Variants in DSE observed in about 807,000 individuals in gnomAD.
The protein encoded by DSE is dermatan sulfate epimerase.
Under a neutral mutation model 84.4 loss-of-function variants are expected in DSE, and 36 were observed. The observed-to-expected ratio is 0.43, with a 90% CI of 0.33 to 0.56. The LOEUF is 0.56. Among genes scored for constraint, DSE ranks in the 20% least tolerant of loss-of-function variants. The pLI is 0.06. For synonymous variants in DSE, 410 were observed against 430.1 expected (o/e 0.95, Z 0.58); for missense variants, 862 against 1,169.6 (o/e 0.74, Z 3.84).
intron 2 of DSE, among the ~76,000 whole-genome samples, chr6:116,417,115 T>G (rs1782764747): frequency 1.3e-5 from 2 of 152,226 alleles, no homozygotes; most frequent in Non-Finnish European, 2.9e-5. Context: ...TCTACCAAAA[T>G]AGAGGTCTTG....
intron 4 of DSE, among the ~76,000 whole-genome samples, chr6:116,431,737 A>G (rs1301186964): frequency 2.0e-5 from 3 of 152,156 alleles, no homozygotes; most frequent in East Asian, 1.9e-4. Flanking sequence ...TAAAACTTGT[A>G]ATTTCTTTAT....
intron 1 of DSE, among the ~76,000 whole-genome samples, chr6:116,256,942 C>T (rs749126514): frequency 6.6e-5 from 10 of 151,880 alleles, no homozygotes; most frequent in Non-Finnish European, 1.0e-4. Flanking sequence ...GGGAAAATAT[C>T]GATAGAAAAT....
intron 2 of DSE, among the ~76,000 whole-genome samples, chr6:116,261,776 A>G (rs972434405): frequency 1.3e-5 from 2 of 152,122 alleles, no homozygotes; most frequent in Non-Finnish European, 2.9e-5. Flanking sequence ...ATGTTCTTTC[A>G]ATACCTACTT....
At chr6:116,422,581 G>A (rs1183680347) in intron 2 of DSE, among the ~76,000 whole-genome samples, 2 of 152,194 alleles carry the variant, frequency 1.3e-5, no homozygotes, top group African/African-American at 4.8e-5. Flanking sequence ...TAGGATATTA[G>A]AAAGATGTAT....
In DSE at chr6:116,278,880, G is replaced by T. The variant is rs751218403; in HGVS notation, c.-54+19913G>T. The T allele has an allele frequency of 3.7e-6, 6 of 1,614,020 alleles. No homozygotes were observed. In the South Asian group the frequency reaches 4.4e-5, roughly 12 times the overall value. Reference sequence around the variant, plus strand: ...TAAAGAAGAACTTGAACTTGCAACCGGTTCTAGGGTGTCTGAGTTCCTTCA... The same window carrying T: ...TAAAGAAGAACTTGAACTTGCAACCTGTTCTAGGGTGTCTGAGTTCCTTCA... On this transcript the variant is annotated intron_variant, in intron 2 of 3. Coordinates refer to the DSE transcript ENST00000430252.
At chr6:116,268,691 A>C (rs921979644) in intron 2 of DSE, among the ~76,000 whole-genome samples, 1 of 152,184 alleles carries the variant, frequency 6.6e-6, no homozygotes, top group Admixed American at 6.5e-5. Context: ...GGAGGTATGC[A>C]TATACATTGA....
At chr6:116,422,054 A>G (rs1783127882) in intron 2 of DSE, among the ~76,000 whole-genome samples, 3 of 152,082 alleles carry the variant, frequency 2.0e-5, no homozygotes, top group South Asian at 4.1e-4. Context: ...AACTCTTCAT[A>G]CTCTTTTACA....
chr6:116,363,365 C>T (rs1016917850), intron 2 of DSE, among the ~76,000 whole-genome samples: 1 of 150,012 alleles, frequency 6.7e-6, no homozygotes, highest in African/African-American at 2.5e-5. Flanking sequence ...TATATATACA[C>T]ATGTGTGTGC....
chr6:116,378,622 T>G lies in DSE; in HGVS notation c.-54+7501T>G, dbSNP rs191574905. The stretch of plus-strand genomic sequence containing the variant: ...ATTTCTCTTTTTTATTTTTAAAAAT[T>G]TTGAAGAAACATTTAATTAATAAAT... On this transcript the variant is annotated intron_variant, in intron 1 of 5. Transcript: ENST00000644252. 5.1e-3 allele frequency among the ~76,000 whole-genome samples: 773 copies of G among 152,236 alleles called. 6 individuals carry two copies. The highest frequency in any genetic ancestry group is 0.027 in the Middle Eastern group (8 of 294).
chr6:116,371,409 C>T lies in DSE; in HGVS notation c.-54+288C>T, dbSNP rs77613443. Among the ~76,000 whole-genome samples, 352 of 152,330 alleles carry T rather than the reference C, an allele frequency of 2.3e-3. 1 individual carries two copies. The highest frequency in any genetic ancestry group is 4.1e-3 in the Non-Finnish European group (282 of 68,020). The stretch of plus-strand genomic sequence containing the variant: ...CCCCCTTGAACGCCGAGCACCGAGC[C>T]GGGAACACGATGAGAACCTGGAGAT... On this transcript the variant is annotated intron_variant, in intron 1 of 5. Coordinates refer to ENST00000644252, the MANE Select transcript of DSE (RefSeq NM_013352.4).
intron 2 of DSE, among the ~76,000 whole-genome samples, chr6:116,415,943 G>C (rs1583202432): frequency 6.6e-6 from 1 of 152,186 alleles, no homozygotes; most frequent in Admixed American, 6.5e-5. Flanking sequence ...TTACAGTTTT[G>C]TAGAAGTGTA....
rs1220025541 is a variant in DSE at position 116,441,149 on chromosome 6, T to C, written c.*3804T>C. On this transcript the variant is annotated 3_prime_UTR_variant, in exon 6 of 6. Transcript: ENST00000644252. Reference sequence around the variant, plus strand: ...CAAGAAATGACTGATATAAATCATGTGTTCCACTACATAGTCTAAATATTT... The same window carrying C: ...CAAGAAATGACTGATATAAATCATGCGTTCCACTACATAGTCTAAATATTT... 6.6e-6 allele frequency: 1 copy of C among 152,240 alleles called. No homozygotes were observed. Among genetic ancestry groups the C allele is most frequent in the Non-Finnish European group, 1.5e-5 (1 of 68,046 alleles). The allele number at this position is 152,240 out of a possible 1,614,324, so 9.4% of individuals were successfully genotyped here. A position where few individuals can be genotyped will look rare whatever the true frequency, so the allele number is the denominator to read the frequency against.
intron 2 of DSE, chr6:116,399,971 A>G (rs1781494675): frequency 3.1e-6 from 1 of 327,848 alleles, no homozygotes; most frequent in Admixed American, 4.6e-5. Flanking sequence ...CATATTCAGC[A>G]TGTATATATT....
chr6:116,408,117 C>G (rs1054498938), intron 2 of DSE, among the ~76,000 whole-genome samples: 2 of 152,310 alleles, frequency 1.3e-5, no homozygotes, highest in East Asian at 3.9e-4. Flanking sequence ...CCTATAGTTA[C>G]TTTTTATTTA....
At chr6:116,383,870 T>C (rs1235872601) in intron 1 of DSE, among the ~76,000 whole-genome samples, 2 of 152,212 alleles carry the variant, frequency 1.3e-5, no homozygotes, top group Non-Finnish European at 2.9e-5. Context: ...AGCTTTACTT[T>C]TCCTCAAAAA....
chr6:116,437,155 T>G lies in DSE; in HGVS notation c.2687T>G (p.Leu896Arg), dbSNP rs149649831. The change falls in exon 6 of 6, where the codon CTG (leucine) becomes CGG (arginine). Residue 896 changes from leucine (L) to arginine (R), a missense_variant. Leu to Arg is a moderately radical substitution (Grantham distance 102). Transcript: ENST00000644252. ...ACTACACACAGCAGGGCCCCATCAC[T>G]GTCTGCTTCCTATACCAGGTTGTTC... Reference protein sequence around the residue: ...VTTTHSRAPSLSASYTRLFLI... With the variant: ...VTTTHSRAPSRSASYTRLFLI... 9.5e-5 allele frequency: 153 copies of G among 1,614,148 alleles called. No individual in the cohort carries two copies. The African/African-American group carries it at 1.6e-3, about 17-fold the overall frequency.
chr6:116,334,900 C>T (rs1777153999), intron 2 of DSE, among the ~76,000 whole-genome samples: 1 of 152,076 alleles, frequency 6.6e-6, no homozygotes. Context: ...CAGATGCTGA[C>T]AAAGTTGCAA....
intron 2 of DSE, among the ~76,000 whole-genome samples, chr6:116,304,178 C>T (rs7742717): frequency 0.046 from 6,959 of 150,882 alleles, 272 homozygotes; most frequent in African/African-American, 0.1. Context: ...GGAGGGGAAA[C>T]GAAGGTCTCC....
At chr6:116,297,998 A>C (rs1197144277) in intron 2 of DSE, among the ~76,000 whole-genome samples, 1 of 152,226 alleles carries the variant, frequency 6.6e-6, no homozygotes, top group Non-Finnish European at 1.5e-5. Context: ...CAAGCAAACC[A>C]GGATTGTTGG....
Sources: gnomAD v4.1 joint callset for allele counts (sites outside exome capture counted in the v4.1 genomes callset) on GRCh38, gnomAD v4.1.1 for gene constraint, MANE v1.5 for transcripts, NCBI Gene and HGNC (gene_info 2026-07-23, HGNC 2026-07-21) for gene names.